The following LDHC variants were observed in gnomAD, a reference collection of about 807,000 sequenced individuals.
LDHC encodes lactate dehydrogenase C.
Under a neutral mutation model 30.2 loss-of-function variants are expected in LDHC, and 20 were observed. The ratio of observed to expected loss-of-function variants is 0.66; its 90% CI spans 0.47 to 0.96. LDHC has a LOEUF of 0.96. LDHC is among the 40% of genes least tolerant of loss of function. The pLI, the probability that LDHC is intolerant of heterozygous loss-of-function variation, is 0.00. For missense variants in LDHC, 362 were observed against 394.9 expected (o/e 0.92, Z 0.71); for synonymous variants, 139 against 132.7 (o/e 1.05, Z -0.32).
intron 4 of LDHC, 25 bp from the exon 5 acceptor site, chr11:18,434,715 T>G: frequency 6.7e-7 from 1 of 1,486,958 alleles, no homozygotes; most frequent in African/African-American, 1.4e-5. Context: ...TGAATCTTTT[T>G]CTAACACAAA....
intron 6 of LDHC, among the ~76,000 whole-genome samples, chr11:18,442,702 G>A (rs1235077265): frequency 7.3e-5 from 8 of 110,288 alleles, no homozygotes; most frequent in African/African-American, 2.8e-4. Flanking sequence ...TTGCTCTGTT[G>A]CCCAGGCTGG....
Position 18,451,172 on chromosome 11 carries a change from C to A in LDHC, c.*45C>A. 3 of 1,213,348 alleles carry A rather than the reference C, an allele frequency of 2.5e-6. No homozygotes were observed. Among genetic ancestry groups the A allele is most frequent in the African/African-American group, 3.2e-5 (2 of 63,002 alleles). 75.2% of individuals were successfully genotyped at this position (1,213,348 alleles called of 1,614,324 possible). On this transcript the variant is annotated 3_prime_UTR_variant, in exon 8 of 8. Transcript: ENST00000541669. ...CCACTGTTTGGAGAACAGAAGATAG[C>A]AGGCTGTGTATTTTAAATTTTGAAA...
chr11:18,413,555 C>T (rs1196138013), intron 2 of LDHC, among the ~76,000 whole-genome samples: 2 of 151,038 alleles, frequency 1.3e-5, no homozygotes, highest in African/African-American at 4.9e-5. Flanking sequence ...CTTTGCCTCC[C>T]GGGTTCAAGC....
chr11:18,442,200 T>A (rs1848478938), intron 6 of LDHC, among the ~76,000 whole-genome samples: 2 of 152,184 alleles, frequency 1.3e-5, no homozygotes, highest in African/African-American at 4.8e-5. Flanking sequence ...ATCAATGGTT[T>A]CATAAAATCC....
intron 1 of LDHC, 97 bp from the exon 2 acceptor site, chr11:18,412,612 T>TC (rs143848190): frequency 0.1 from 114,150 of 1,104,990 alleles, 6,596 homozygotes; most frequent in Admixed American, 0.14. Context: ...TTCTTTGGCT[T>TC]CCCCCCATCC....
chr11:18,416,792 C>T (rs1867030603), intron 3 of LDHC, among the ~76,000 whole-genome samples: 1 of 151,170 alleles, frequency 6.6e-6, no homozygotes, highest in Admixed American at 6.6e-5. Context: ...CCCTCTGATC[C>T]TCTCCCCTCT....
rs150122147 is a variant in LDHC at position 18,446,968 on chromosome 11, G to T, written c.834+635G>T. On this transcript the variant is annotated intron_variant, in intron 7 of 7. Coordinates refer to ENST00000541669, the MANE Select transcript of LDHC (RefSeq NM_017448.5). ...GCTTATAGTAAAGATCAAGTACCAA[G>T]GGAGAGGATGAAGACAGAAGTGGTA... 4.4e-3 allele frequency among the ~76,000 whole-genome samples: 665 copies of T among 152,300 alleles called. 2 individuals carry two copies. Among genetic ancestry groups the T allele is most frequent in the Middle Eastern group, 0.017 (5 of 294 alleles).
chr11:18,447,185 G>A (rs1016873882), intron 7 of LDHC, among the ~76,000 whole-genome samples: 16 of 150,458 alleles, frequency 1.1e-4, no homozygotes, highest in African/African-American at 3.7e-4. Context: ...CCAGGCTGGA[G>A]TGCAGTCATG....
chr11:18,427,876 C>T (rs1848190211), intron 3 of LDHC, among the ~76,000 whole-genome samples: 1 of 151,944 alleles, frequency 6.6e-6, no homozygotes, highest in Admixed American at 6.6e-5. Context: ...GGGGTTTCAC[C>T]ATGTTGGCTA....
chr11:18,449,896 A>T (rs564198374), intron 7 of LDHC, among the ~76,000 whole-genome samples: 2 of 152,112 alleles, frequency 1.3e-5, no homozygotes, highest in Non-Finnish European at 2.9e-5. Flanking sequence ...TCTTCCTTCA[A>T]CGCCATTCCT....
At chr11:18,420,601 T>C (rs1041153658) in intron 3 of LDHC, among the ~76,000 whole-genome samples, 3 of 141,858 alleles carry the variant, frequency 2.1e-5, no homozygotes, top group African/African-American at 8.0e-5. Flanking sequence ...GAAGGATCAC[T>C]TTGAGACCAG....
chr11:18,447,668 C>T (rs1565058936), intron 7 of LDHC, among the ~76,000 whole-genome samples: 1 of 152,110 alleles, frequency 6.6e-6, no homozygotes, highest in African/African-American at 2.4e-5. Flanking sequence ...GGAGGTTAGT[C>T]CTTACAAAGG....
intron 6 of LDHC, among the ~76,000 whole-genome samples, chr11:18,441,435 A>C (rs1164393381): frequency 6.6e-6 from 1 of 151,762 alleles, no homozygotes; most frequent in Non-Finnish European, 1.5e-5. Flanking sequence ...CAGCCTCCTG[A>C]GTAGCTGGGA....
intron 3 of LDHC, among the ~76,000 whole-genome samples, chr11:18,427,459 A>G (rs1240618641): frequency 1.3e-5 from 2 of 152,216 alleles, no homozygotes; most frequent in Non-Finnish European, 2.9e-5. Flanking sequence ...GTAATTGTCC[A>G]TGGTTACACA....
rs71457898 is a variant in LDHC at position 18,431,141 on chromosome 11, C to CA, written c.418+1241dup. Among the ~76,000 whole-genome samples the CA allele has an allele frequency of 7.0e-3, 1,023 of 145,376 alleles. 6 individuals carry two copies. The highest frequency in any genetic ancestry group is 0.014 in the East Asian group (70 of 4,978). ...TCTCAAAAAAAAAAACCAAAGCAAA[C>CA]AAAAAAAAAACAGTTTTAAATTTTA... On this transcript the variant is annotated intron_variant, in intron 4 of 7. Coordinates refer to ENST00000541669, the MANE Select transcript of LDHC (RefSeq NM_017448.5).
At chr11:18,424,253 G>A (rs11606494) in intron 3 of LDHC, among the ~76,000 whole-genome samples, 14,883 of 151,568 alleles carry the variant, frequency 0.098, 841 homozygotes, top group Admixed American at 0.15. Flanking sequence ...ATGGTGGTGC[G>A]CGCCTGTAAT....
At position 18,450,885 on chromosome 11, in the gene LDHC, A is replaced by C. The variant is rs1590239190; in HGVS notation, c.835-78A>C. The C allele has an allele frequency of 2.9e-6, 3 of 1,047,432 alleles. No homozygotes were observed. In the East Asian group the frequency reaches 7.6e-5, roughly 27 times the overall value. 64.9% of individuals were successfully genotyped at this position (1,047,432 alleles called of 1,614,324 possible). On this transcript the variant is annotated intron_variant, in intron 7 of 7. Coordinates refer to ENST00000541669, the MANE Select transcript of LDHC (RefSeq NM_017448.5). ...TTGAATGCTTTAGTCTCTCCTGTAT[A>C]CTCTCATTTTGATGCCCTTTTGCAT...
chr11:18,420,641 TAAAAAA>T (rs11321502), intron 3 of LDHC, among the ~76,000 whole-genome samples: 3 of 72,354 alleles, frequency 4.1e-5, no homozygotes, highest in African/African-American at 1.7e-4. Flanking sequence ...TCTTGTCTCT[TAAAAAA>T]AAAAAAAAAA....
chr11:18,412,762 T>C lies in LDHC; in HGVS notation c.45T>C (p.Asp15=). The C allele has an allele frequency of 6.2e-7, 1 of 1,613,970 alleles. No individual in the cohort carries two copies. Among genetic ancestry groups the C allele is most frequent in the Non-Finnish European group, 8.5e-7 (1 of 1,179,802 alleles). The part of the protein sequence containing the change: ...KEQLIEKLIE[D]DENSQCKITI... Reference sequence around the variant, plus strand: ...AGCTAATTGAGAAGCTAATTGAGGATGATGAAAACTCCCAGTGTAAAATTA... The same window carrying C: ...AGCTAATTGAGAAGCTAATTGAGGACGATGAAAACTCCCAGTGTAAAATTA... Residue 15 remains aspartate (D), a synonymous_variant, in exon 2 of 8, where the codon GAT becomes GAC. Transcript: ENST00000541669.
Sources: allele counts gnomAD v4.1 joint callset (sites outside exome capture counted in the v4.1 genomes callset), GRCh38; gene constraint gnomAD v4.1.1; transcripts MANE v1.5; gene names NCBI Gene and HGNC (gene_info 2026-07-23, HGNC 2026-07-21).